GPC5: variants seen among roughly 807,000 people sequenced by gnomAD.
GPC5 encodes the protein glypican 5.
In GPC5, 47 loss-of-function variants were observed where a neutral mutation model predicts 53.9. The ratio of observed to expected loss-of-function variants is 0.87; its 90% CI spans 0.69 to 1.11. The LOEUF is 1.11. GPC5 is among the 50% of genes most tolerant of loss of function. The pLI is 0.00. For missense variants in GPC5, 748 were observed against 713.1 expected, an observed-to-expected ratio of 1.05 and a Z score of -0.56; for synonymous variants, 286 against 263.3, an observed-to-expected ratio of 1.09 and a Z score of -0.84.
chr13:92,101,168 G>T (rs924519060), intron 6 of GPC5, among the ~76,000 whole-genome samples: 2 of 152,142 alleles, frequency 1.3e-5, no homozygotes, highest in Admixed American at 1.3e-4. Context: ...ATGAATTAAC[G>T]AATTTGAAAT....
intron 7 of GPC5, among the ~76,000 whole-genome samples, chr13:92,863,794 A>G (rs1406196172): frequency 1.3e-5 from 2 of 152,104 alleles, no homozygotes; most frequent in Admixed American, 1.3e-4. Context: ...CTCTCGGCCT[A>G]CCATATTTCA....
At chr13:91,600,169 C>T (rs922327217) in intron 2 of GPC5, among the ~76,000 whole-genome samples, 8 of 152,192 alleles carry the variant, frequency 5.3e-5, no homozygotes, top group Admixed American at 1.3e-4. Flanking sequence ...AATACACCCG[C>T]CTTGGCCTCC....
chr13:92,226,930 C>T (rs897587012), intron 7 of GPC5, among the ~76,000 whole-genome samples: 12 of 152,046 alleles, frequency 7.9e-5, no homozygotes, highest in Non-Finnish European at 1.5e-4. Context: ...AGAAGTAACC[C>T]GTATGCTCAA....
chr13:91,887,555 A>G (rs1381406902), intron 5 of GPC5, among the ~76,000 whole-genome samples: 1 of 151,990 alleles, frequency 6.6e-6, no homozygotes, highest in African/African-American at 2.4e-5. Flanking sequence ...GACGCTGCAA[A>G]TTTTCCAAAC....
intron 2 of GPC5, among the ~76,000 whole-genome samples, chr13:91,649,352 C>T (rs893299093): frequency 6.6e-6 from 1 of 152,148 alleles, no homozygotes; most frequent in African/African-American, 2.4e-5. Flanking sequence ...CATTACACAG[C>T]TGGGACTGGT....
rs571102561 is a variant in GPC5, at chr13:92,611,326, G to A, written c.1562-254956G>A. 3.9e-5 allele frequency among the ~76,000 whole-genome samples: 6 copies of A among 152,146 alleles called. No individual in the cohort carries two copies. In the South Asian group the frequency reaches 6.2e-4, roughly 16 times the overall value. On this transcript the variant is annotated intron_variant, in intron 7 of 7. Coordinates refer to ENST00000377067, the MANE Select transcript of GPC5 (RefSeq NM_004466.6). ...GGACTTAGGCTGTAATCCCAGGACC[G>A]GATGACTCTTTGAGAATCAGGCATC...
At position 92,717,871 on chromosome 13, in the gene GPC5, G is replaced by A. The variant is rs559188161; in HGVS notation, c.1562-148411G>A. On this transcript the variant is annotated intron_variant, in intron 7 of 7. Transcript: ENST00000377067. ...TTTGCCAACTATCCATCTGACAAAC[G>A]CTTAATAAGCAGAAAATATAAGGAA... Among the ~76,000 whole-genome samples, 3 of 152,038 alleles carry A rather than the reference G, an allele frequency of 2.0e-5. No homozygotes were observed. The East Asian group carries it at 5.8e-4, about 29-fold the overall frequency.
chr13:91,450,130 T>C (rs1337409365), intron 2 of GPC5, among the ~76,000 whole-genome samples: 4 of 152,208 alleles, frequency 2.6e-5, no homozygotes, highest in African/African-American at 7.2e-5. Context: ...AATTAATGCT[T>C]TTTTGTAGAA....
rs1209711939 is a variant in GPC5 at position 92,129,785 on chromosome 13, C to G, written c.1402-15045C>G. Among the ~76,000 whole-genome samples the G allele has an allele frequency of 3.3e-5, 5 of 152,184 alleles. No homozygotes were observed. In the South Asian group the frequency reaches 6.2e-4, roughly 19 times the overall value. On this transcript the variant is annotated intron_variant, in intron 6 of 7. Coordinates refer to ENST00000377067, the MANE Select transcript of GPC5 (RefSeq NM_004466.6). ...ATGTAAATTGATCTGTAGAAATAATCTCAACTGATGAGATTGAATAAAGCA... is the reference window on the plus strand; with the variant it reads ...ATGTAAATTGATCTGTAGAAATAATGTCAACTGATGAGATTGAATAAAGCA...
At chr13:92,577,412 A>ATGTGTGTGTGTG (rs1198171581) in intron 7 of GPC5, among the ~76,000 whole-genome samples, 89 of 107,380 alleles carry the variant, frequency 8.3e-4, no homozygotes, top group African/African-American at 2.9e-3. Flanking sequence ...GTAAGTATGT[A>ATGTGTGTGTGTG]TGTATATGTG....
At chr13:92,260,345 T>C (rs2042757491) in intron 7 of GPC5, among the ~76,000 whole-genome samples, 2 of 152,190 alleles carry the variant, frequency 1.3e-5, no homozygotes, top group African/African-American at 4.8e-5. Flanking sequence ...TAACTCTCTT[T>C]GGAATATAGC....
chr13:91,445,661 G>C (rs186143653), intron 1 of GPC5, among the ~76,000 whole-genome samples: 1 of 152,088 alleles, frequency 6.6e-6, no homozygotes, highest in East Asian at 1.9e-4. Flanking sequence ...TTTTAGTAGA[G>C]ATGGGGTTTT....
chr13:91,693,392 C>T lies in GPC5; in HGVS notation c.531C>T (p.His177=). The change falls in exon 3 of 8, where the codon CAC becomes CAT. Residue 177 remains histidine (H), a synonymous_variant. Coordinates refer to ENST00000377067, the MANE Select transcript of GPC5 (RefSeq NM_004466.6). The part of the protein sequence containing the change: ...FDSLFPLVYN[H]LINPGVTDSS... ...GTCTTTTTCCTCTGGTCTACAACCACCTCATTAACCCTGGTGTGACTGACA... is the reference window on the plus strand; with the variant it reads ...GTCTTTTTCCTCTGGTCTACAACCATCTCATTAACCCTGGTGTGACTGACA... 1 of 1,614,112 alleles carries T rather than the reference C, an allele frequency of 6.2e-7. No individual in the cohort carries two copies. Among genetic ancestry groups the T allele is most frequent in the Non-Finnish European group, 8.5e-7 (1 of 1,180,010 alleles).
intron 7 of GPC5, among the ~76,000 whole-genome samples, chr13:92,262,117 AACTTCTCTGCCCTTTTCCTTCCAGT>A (rs1407696744): frequency 6.6e-6 from 1 of 152,100 alleles, no homozygotes; most frequent in African/African-American, 2.4e-5. Context: ...AAAGAAGCAA[AACTTCTCTGCCCTTTTCCTTCCAGT>A]ACTTCTCTGC....
chr13:92,537,704 A>G (rs929394557), intron 7 of GPC5, among the ~76,000 whole-genome samples: 1 of 152,162 alleles, frequency 6.6e-6, no homozygotes, highest in Non-Finnish European at 1.5e-5. Context: ...GCCTTAGAGT[A>G]TATTATCCAT....
intron 7 of GPC5, among the ~76,000 whole-genome samples, chr13:92,164,421 C>T (rs1168649822): frequency 6.6e-6 from 1 of 152,168 alleles, no homozygotes; most frequent in East Asian, 1.9e-4. Context: ...CCATGCAAAT[C>T]CAAAATCCAA....
intron 6 of GPC5, among the ~76,000 whole-genome samples, chr13:92,054,064 TAAA>T (rs2041053706): frequency 6.7e-6 from 1 of 149,660 alleles, no homozygotes. Context: ...AATAAATAAA[TAAA>T]TAAATAAGAT....
chr13:91,507,248 C>A (rs1389779928), intron 2 of GPC5, among the ~76,000 whole-genome samples: 1 of 152,042 alleles, frequency 6.6e-6, no homozygotes, highest in Non-Finnish European at 1.5e-5. Context: ...CATCACATGG[C>A]AGAATGAGGA....
intron 6 of GPC5, among the ~76,000 whole-genome samples, chr13:91,983,533 G>T (rs147816415): frequency 6.6e-6 from 1 of 152,160 alleles, no homozygotes; most frequent in Non-Finnish European, 1.5e-5. Context: ...AAAGAGGAAG[G>T]AACTAAAACT....
Sources: gnomAD v4.1 joint callset for allele counts (sites outside exome capture counted in the v4.1 genomes callset) on GRCh38, gnomAD v4.1.1 for gene constraint, MANE v1.5 for transcripts, NCBI Gene and HGNC (gene_info 2026-07-23, HGNC 2026-07-21) for gene names.